The following SRL variants were observed in gnomAD, a reference collection of about 807,000 sequenced individuals.
SRL encodes the protein sarcalumenin.
In SRL, 23 loss-of-function variants were observed where a neutral mutation model predicts 39.5. That is an observed-to-expected ratio of 0.58 (90% CI 0.42 to 0.82). The LOEUF is 0.82. SRL is among the 40% of genes least tolerant of loss of function. The pLI, the probability that SRL is intolerant of heterozygous loss-of-function variation, is 0.00. For synonymous variants in SRL, 272 were observed against 237.4 expected, an observed-to-expected ratio of 1.15 and a Z score of -1.34; for missense variants, 592 against 607.8, an observed-to-expected ratio of 0.97 and a Z score of 0.27.
intron 1 of SRL, among the ~76,000 whole-genome samples, chr16:4,223,751 C>G (rs1197876270): frequency 6.6e-6 from 1 of 152,104 alleles, no homozygotes; most frequent in African/African-American, 2.4e-5. Flanking sequence ...CGAGAACCAC[C>G]ATCCTTGGAC....
At chr16:4,195,837 A>T in intron 4 of SRL, 51 bp from the exon 5 acceptor site, 1 of 1,484,492 alleles carries the variant, frequency 6.7e-7, no homozygotes, top group South Asian at 1.2e-5. Context: ...TGTGAAACAG[A>T]TCTACTGAGA....
chr16:4,239,968 C>A (rs552734684), intron 1 of SRL, among the ~76,000 whole-genome samples: 7 of 152,172 alleles, frequency 4.6e-5, no homozygotes, highest in Non-Finnish European at 8.8e-5. Context: ...GCTCCTTCCC[C>A]GTCCTGGCAT....
intron 1 of SRL, among the ~76,000 whole-genome samples, chr16:4,212,361 T>C (rs927271695): frequency 2.0e-5 from 3 of 152,160 alleles, no homozygotes; most frequent in Non-Finnish European, 2.9e-5. Flanking sequence ...GCTGTGCCAC[T>C]GGACCCAGTT....
intron 3 of SRL, among the ~76,000 whole-genome samples, chr16:4,201,601 T>C (rs1355805470): frequency 7.5e-6 from 1 of 133,144 alleles, no homozygotes. Context: ...AAAAGTGCTA[T>C]GAGCCATCAC....
chr16:4,206,778 T>C, intron 1 of SRL: 2 of 456,832 alleles, frequency 4.4e-6, no homozygotes, highest in Non-Finnish European at 8.8e-6. Context: ...CTCCTCGGGC[T>C]CCTCTGCCTT....
chr16:4,206,951 A>G (rs899698747), intron 1 of SRL: 6 of 453,124 alleles, frequency 1.3e-5, no homozygotes, highest in Non-Finnish European at 2.7e-5. Flanking sequence ...GGGGATCCCC[A>G]CCTTCCTGGG....
chr16:4,208,395 C>G (rs1243255862), intron 1 of SRL, among the ~76,000 whole-genome samples: 1 of 152,144 alleles, frequency 6.6e-6, no homozygotes, highest in Non-Finnish European at 1.5e-5. Flanking sequence ...ACCGCCCCCG[C>G]ACCGCGACCC....
chr16:4,212,779 C>G (rs1027690584), intron 1 of SRL, among the ~76,000 whole-genome samples: 2 of 152,106 alleles, frequency 1.3e-5, no homozygotes, highest in African/African-American at 4.8e-5. Context: ...GCTTCTCCCA[C>G]CAGCCCCTCT....
chr16:4,202,928 A>G (rs2052256383), intron 3 of SRL, among the ~76,000 whole-genome samples: 1 of 152,164 alleles, frequency 6.6e-6, no homozygotes, highest in Admixed American at 6.5e-5. Flanking sequence ...CATCTGTAAC[A>G]CCCTGGTAAA....
Position 4,192,062 on chromosome 16 carries a change from G to C in SRL, c.*91C>G, listed in dbSNP as rs756503128. On this transcript the variant is annotated 3_prime_UTR_variant, in exon 6 of 6. Transcript: ENST00000399609. This position sits in a 1 kb window ranked among gnomAD's most constrained non-coding sequence, Gnocchi z 4.0. Reference sequence around the variant, plus strand: ...CTCCACTGTGTAATAATTCCTGCCAGTGTGGCTCAAAGGGTTAATAAACCA... The same window carrying C: ...CTCCACTGTGTAATAATTCCTGCCACTGTGGCTCAAAGGGTTAATAAACCA... The C allele has an allele frequency of 1.5e-4, 209 of 1,355,948 alleles. No homozygotes were observed. The highest frequency in any genetic ancestry group is 9.3e-5 in the Non-Finnish European group (92 of 989,934). 84.0% of individuals were successfully genotyped at this position (1,355,948 alleles called of 1,614,324 possible).
intron 1 of SRL, among the ~76,000 whole-genome samples, chr16:4,224,690 C>T (rs566898328): frequency 6.0e-5 from 9 of 151,142 alleles, no homozygotes; most frequent in Admixed American, 2.6e-4. Context: ...ACTGCACTCT[C>T]GCCTGGGCAA....
chr16:4,233,581 T>G (rs1368047817), intron 1 of SRL, among the ~76,000 whole-genome samples: 2 of 152,014 alleles, frequency 1.3e-5, no homozygotes, highest in Non-Finnish European at 2.9e-5. Context: ...TAGTTACATT[T>G]TTTTTTCAGT....
At chr16:4,230,583 T>C (rs1286430141) in intron 1 of SRL, among the ~76,000 whole-genome samples, 1 of 151,660 alleles carries the variant, frequency 6.6e-6, no homozygotes, top group Non-Finnish European at 1.5e-5. Context: ...GAGACGGGGT[T>C]TCACCATGTT....
intron 1 of SRL, among the ~76,000 whole-genome samples, chr16:4,210,149 AG>A (rs1169202065): frequency 1.3e-5 from 2 of 152,218 alleles, no homozygotes; most frequent in African/African-American, 2.4e-5. Context: ...CTGGTCCCTT[AG>A]TGGGGGACAG....
intron 5 of SRL, among the ~76,000 whole-genome samples, 183 bp downstream of exon 5, chr16:4,195,370 A>G (rs2052122099): frequency 6.6e-6 from 1 of 151,878 alleles, no homozygotes; most frequent in Non-Finnish European, 1.5e-5. Context: ...CTATTGTTTA[A>G]ATTTTTTTGT....
chr16:4,236,050 C>T (rs1264581489), intron 1 of SRL, among the ~76,000 whole-genome samples: 3 of 151,990 alleles, frequency 2.0e-5, no homozygotes, highest in African/African-American at 4.8e-5. Flanking sequence ...CTCCAGCCTG[C>T]GCAACAGAGT....
At chr16:4,199,156 T>G (rs1567175455) in intron 3 of SRL, among the ~76,000 whole-genome samples, 1 of 152,032 alleles carries the variant, frequency 6.6e-6, no homozygotes, top group Non-Finnish European at 1.5e-5. Flanking sequence ...TTTGTTTCAT[T>G]TATTTATCAT....
At chr16:4,212,883 T>C (rs2052411379) in intron 1 of SRL, among the ~76,000 whole-genome samples, 1 of 151,976 alleles carries the variant, frequency 6.6e-6, no homozygotes, top group South Asian at 2.1e-4. Context: ...CTCTCCTCTC[T>C]CCATCACCAA....
chr16:4,203,089 G>A (rs1033285448), intron 3 of SRL, 77 bp downstream of exon 3: 26 of 1,267,082 alleles, frequency 2.1e-5, no homozygotes, highest in African/African-American at 1.0e-4. Flanking sequence ...AGTCCAGGCC[G>A]GTCAGCAGTG....
Sources: allele counts gnomAD v4.1 joint callset (sites outside exome capture counted in the v4.1 genomes callset), GRCh38; gene constraint gnomAD v4.1.1; non-coding constraint Gnocchi (gnomAD v3.1); transcripts MANE v1.5; gene names NCBI Gene and HGNC (gene_info 2026-07-23, HGNC 2026-07-21).